Variants in NTN1 observed in about 807,000 individuals in gnomAD.
NTN1 encodes the protein netrin-1.
NTN1 carries 11 observed loss-of-function variants against 54.2 expected under a neutral mutation model. The ratio of observed to expected loss-of-function variants is 0.20; its 90% confidence interval spans 0.13 to 0.34. The LOEUF (loss-of-function observed/expected upper bound fraction) is 0.34, where lower values mean the gene tolerates loss of function less well. Among genes scored for constraint, NTN1 ranks in the 10% least tolerant of loss-of-function variants. The probability of loss-of-function intolerance (pLI) is 1.00; values close to 1 mark genes in which losing one functional copy is unlikely to be tolerated. For missense variants in NTN1, 740 were observed against 893.1 expected, an observed-to-expected ratio of 0.83 and a Z score of 2.18; for synonymous variants, 371 against 382.0, an observed-to-expected ratio of 0.97 and a Z score of 0.33.
At chr17:9,036,881 G>T (rs1192700320) in intron 2 of NTN1, among the ~76,000 whole-genome samples, 1 of 152,104 alleles carries the variant, frequency 6.6e-6, no homozygotes, top group Admixed American at 6.5e-5. Context: ...GCTCTAACTG[G>T]AGGACCTCAC....
At chr17:9,080,069 G>A (rs761145703) in intron 2 of NTN1, among the ~76,000 whole-genome samples, 47 of 152,220 alleles carry the variant, frequency 3.1e-4, no homozygotes, top group Non-Finnish European at 4.9e-4. Flanking sequence ...TGAGGAAGTG[G>A]TTCCCCAGTG....
At chr17:9,142,042 G>A (rs149879652) in intron 2 of NTN1, among the ~76,000 whole-genome samples, 4,048 of 152,118 alleles carry the variant, frequency 0.027, 61 homozygotes, top group South Asian at 0.043. Flanking sequence ...CAGGAGAATC[G>A]CATGAACCCG....
chr17:9,208,766 A>T (rs1307202534), intron 5 of NTN1, among the ~76,000 whole-genome samples: 2 of 152,192 alleles, frequency 1.3e-5, no homozygotes, highest in East Asian at 3.9e-4. Flanking sequence ...CTTGGGCCTG[A>T]TGTACTCTTC....
At chr17:9,142,668 T>C (rs990513202) in intron 2 of NTN1, among the ~76,000 whole-genome samples, 2 of 152,118 alleles carry the variant, frequency 1.3e-5, no homozygotes, top group African/African-American at 4.8e-5. Flanking sequence ...TTAATAGATA[T>C]CACCGTGTAC....
At chr17:9,129,697 G>A (rs747371050) in intron 2 of NTN1, among the ~76,000 whole-genome samples, 1 of 152,166 alleles carries the variant, frequency 6.6e-6, no homozygotes, top group Non-Finnish European at 1.5e-5. Flanking sequence ...CGTGCCATTT[G>A]GAATGTGGAT....
intron 2 of NTN1, among the ~76,000 whole-genome samples, chr17:9,125,965 A>C (rs1343355763): frequency 6.6e-6 from 1 of 152,238 alleles, no homozygotes; most frequent in Non-Finnish European, 1.5e-5. Context: ...AGAAACCTGA[A>C]GCTGAGGGAG....
At chr17:9,147,938 CTTTG>C (rs2092318387) in intron 2 of NTN1, among the ~76,000 whole-genome samples, 4 of 152,202 alleles carry the variant, frequency 2.6e-5, no homozygotes, top group African/African-American at 9.7e-5. Context: ...ATGAAAATGG[CTTTG>C]TTTGGGTACA....
At chr17:9,138,005 C>G (rs1402359564) in intron 2 of NTN1, among the ~76,000 whole-genome samples, 2 of 149,788 alleles carry the variant, frequency 1.3e-5, no homozygotes, top group South Asian at 2.1e-4. Context: ...AGTGGGCAAC[C>G]AGATGTGCTC....
chr17:9,139,492 C>T (rs1597502745), intron 2 of NTN1, among the ~76,000 whole-genome samples: 1 of 152,160 alleles, frequency 6.6e-6, no homozygotes, highest in Non-Finnish European at 1.5e-5. Context: ...GCTTCAGTTC[C>T]AAGAGAAGGA....
At chr17:9,082,691 T>C (rs1331306746) in intron 2 of NTN1, among the ~76,000 whole-genome samples, 1 of 145,444 alleles carries the variant, frequency 6.9e-6, no homozygotes, top group Non-Finnish European at 1.5e-5. Flanking sequence ...AGAGTAGAGA[T>C]TGGCCATGAG....
intron 2 of NTN1, among the ~76,000 whole-genome samples, chr17:9,097,961 C>T (rs922871969): frequency 1.5e-5 from 2 of 130,888 alleles, no homozygotes; most frequent in Admixed American, 7.8e-5. Context: ...TCTGACCTCC[C>T]CCCGAGAAAG....
In NTN1 at chr17:9,022,712, C is replaced by T. The variant is rs199769574; in HGVS notation, c.339C>T (p.Asn113=). ...HPPAFLTDLN[N]PHNLTCWQSE... ...CCGCCTTCCTCACCGACCTCAACAA[C>T]CCGCACAACCTGACGTGCTGGCAGT... Residue 113 remains asparagine (N), a synonymous_variant, in exon 2 of 7, where the codon AAC becomes AAT. Coordinates refer to ENST00000173229, the MANE Select transcript of NTN1 (RefSeq NM_004822.3). 15 of 1,602,846 alleles carry T rather than the reference C, an allele frequency of 9.4e-6. No homozygotes were observed. The African/African-American group carries it at 2.0e-4, about 21-fold the overall frequency.
At chr17:9,030,269 G>C (rs918973682) in intron 2 of NTN1, among the ~76,000 whole-genome samples, 2 of 152,194 alleles carry the variant, frequency 1.3e-5, no homozygotes, top group African/African-American at 4.8e-5. Flanking sequence ...CGAGGAGAAA[G>C]GGGTACCTAT....
At chr17:9,128,323 A>AC (rs1380939439) in intron 2 of NTN1, among the ~76,000 whole-genome samples, 19 of 150,836 alleles carry the variant, frequency 1.3e-4, no homozygotes, top group Non-Finnish European at 2.2e-4. Context: ...AAAAAAAAAA[A>AC]AAAAGTATCC....
chr17:9,106,467 CCCTTCCTTCCTT>C (rs200226901), intron 2 of NTN1, among the ~76,000 whole-genome samples: 7,990 of 119,894 alleles, frequency 0.067, 427 homozygotes, highest in African/African-American at 0.13. Flanking sequence ...CTTCCTTCCT[CCCTTCCTTCCTT>C]CCTTCCTTCC....
chr17:9,100,866 A>G (rs1197900087), intron 2 of NTN1, among the ~76,000 whole-genome samples: 2 of 152,064 alleles, frequency 1.3e-5, no homozygotes, highest in Non-Finnish European at 2.9e-5. Context: ...TCTGCTGCCA[A>G]ACTGAAACTT....
intron 5 of NTN1, among the ~76,000 whole-genome samples, chr17:9,187,654 C>CA (rs763852001): frequency 0.15 from 7,969 of 51,528 alleles, 393 homozygotes; most frequent in East Asian, 0.3. Flanking sequence ...CTCATCTCTC[C>CA]AAAAAAAAAA....
intron 2 of NTN1, among the ~76,000 whole-genome samples, chr17:9,049,817 G>A (rs764445795): frequency 3.3e-5 from 5 of 152,278 alleles, no homozygotes; most frequent in South Asian, 2.1e-4. Context: ...CACCCATTTC[G>A]ATTTTCGGGT....
intron 2 of NTN1, among the ~76,000 whole-genome samples, chr17:9,079,108 A>G (rs549475832): frequency 6.6e-6 from 1 of 152,326 alleles, no homozygotes. Flanking sequence ...ATGGCAAAGA[A>G]GCAGAAGCTT....
Sources: allele counts gnomAD v4.1 joint callset (sites outside exome capture counted in the v4.1 genomes callset), GRCh38; gene constraint gnomAD v4.1.1; transcripts MANE v1.5; gene names NCBI Gene and HGNC (gene_info 2026-07-23, HGNC 2026-07-21).